CBLB: variants seen among roughly 807,000 people sequenced by gnomAD.
CBLB encodes the protein E3 ubiquitin-protein ligase CBL-B.
A neutral mutation model predicts 104.9 loss-of-function variants in CBLB; 31 were observed. The ratio of observed to expected loss-of-function variants is 0.30; its 90% CI spans 0.22 to 0.40. The LOEUF is 0.40. Among genes scored for constraint, CBLB ranks in the 10% least tolerant of loss-of-function variants. The pLI, the probability that CBLB is intolerant of heterozygous loss-of-function variation, is 1.00. For synonymous variants in CBLB, 440 were observed against 422.6 expected (o/e 1.04, Z -0.51); for missense variants, 1,062 against 1,214.6 (o/e 0.87, Z 1.87).
chr3:105,865,225 A>G (rs1205356641), intron 2 of CBLB, among the ~76,000 whole-genome samples: 1 of 152,192 alleles, frequency 6.6e-6, no homozygotes, highest in Non-Finnish European at 1.5e-5. Context: ...TGTACTACAC[A>G]CTTATATACT....
Position 105,739,998 on chromosome 3 carries a change from G to T in CBLB, c.983+496C>A, listed in dbSNP as rs534797555. Among the ~76,000 whole-genome samples, 5 of 152,346 alleles carry T rather than the reference G, an allele frequency of 3.3e-5. No individual in the cohort carries two copies. In the South Asian group the frequency reaches 1.0e-3, roughly 32 times the overall value. On this transcript the variant is annotated intron_variant, in intron 7 of 18. Coordinates refer to ENST00000394030, the MANE Select transcript of CBLB (RefSeq NM_170662.5). Reference sequence around the variant, plus strand: ...CACGCCTGTAGTCCCAGCCACTTGGGAGGCTGAGGCAGGGGAATCCCTTGA... The same window carrying T: ...CACGCCTGTAGTCCCAGCCACTTGGTAGGCTGAGGCAGGGGAATCCCTTGA...
At chr3:105,841,909 A>AT (rs772739111) in intron 3 of CBLB, among the ~76,000 whole-genome samples, 4 of 151,944 alleles carry the variant, frequency 2.6e-5, no homozygotes, top group Non-Finnish European at 4.4e-5. Context: ...GGTCTCCCAC[A>AT]TTTTTTCATG....
intron 4 of CBLB, among the ~76,000 whole-genome samples, chr3:105,770,024 T>C (rs537294142): frequency 1.8e-4 from 28 of 152,248 alleles, no homozygotes; most frequent in Admixed American, 4.6e-4. Flanking sequence ...TCTGTGTTTC[T>C]AATTGAATTA....
intron 10 of CBLB, among the ~76,000 whole-genome samples, chr3:105,704,819 T>G (rs1042477764): frequency 6.6e-6 from 1 of 152,188 alleles, no homozygotes; most frequent in African/African-American, 2.4e-5. Flanking sequence ...TTTCTGTTAC[T>G]ACAAGTTTTC....
intron 12 of CBLB, among the ~76,000 whole-genome samples, chr3:105,700,813 T>G (rs1051845831): frequency 6.6e-6 from 1 of 152,186 alleles, no homozygotes; most frequent in Non-Finnish European, 1.5e-5. Flanking sequence ...ATCACTGAGG[T>G]TAAATACTGT....
At chr3:105,852,101 G>T (rs2091015482) in intron 3 of CBLB, among the ~76,000 whole-genome samples, 1 of 152,046 alleles carries the variant, frequency 6.6e-6, no homozygotes, top group Non-Finnish European at 1.5e-5. Flanking sequence ...TTATTTTATA[G>T]GGTATTCCTT....
intron 17 of CBLB, chr3:105,672,588 A>G (rs1014093897): frequency 1.4e-4 from 21 of 154,888 alleles, no homozygotes; most frequent in African/African-American, 4.1e-4. Context: ...TTCAAAAACT[A>G]AAGAAAAATA....
intron 3 of CBLB, among the ~76,000 whole-genome samples, chr3:105,795,192 G>A (rs988094970): frequency 9.2e-5 from 14 of 152,080 alleles, no homozygotes; most frequent in African/African-American, 2.2e-4. Context: ...GATTACAGGC[G>A]TGAGCCAATG....
intron 3 of CBLB, among the ~76,000 whole-genome samples, chr3:105,836,859 T>C (rs986360754): frequency 2.6e-5 from 4 of 152,028 alleles, no homozygotes; most frequent in Admixed American, 1.3e-4. Context: ...GTCTGCATGG[T>C]GGATGTAAGA....
intron 3 of CBLB, among the ~76,000 whole-genome samples, chr3:105,784,398 A>G (rs2080706624): frequency 6.6e-6 from 1 of 152,258 alleles, no homozygotes; most frequent in Non-Finnish European, 1.5e-5. Context: ...AAGAAAAAGA[A>G]ACATTAGAAA....
intron 3 of CBLB, among the ~76,000 whole-genome samples, chr3:105,799,649 C>A (rs981399296): frequency 1.5e-4 from 23 of 151,998 alleles, no homozygotes; most frequent in Non-Finnish European, 1.9e-4. Context: ...ACCCTATAAC[C>A]CAGAAAACAA....
At chr3:105,780,663 T>TTTTG (rs1560209162) in intron 3 of CBLB, among the ~76,000 whole-genome samples, 3 of 117,706 alleles carry the variant, frequency 2.5e-5, no homozygotes, top group South Asian at 2.8e-4. Flanking sequence ...GTTTTTTGTT[T>TTTTG]TTTTTTTTTT....
intron 3 of CBLB, among the ~76,000 whole-genome samples, chr3:105,831,401 C>A (rs181079386): frequency 6.6e-6 from 1 of 152,228 alleles, no homozygotes; most frequent in Non-Finnish European, 1.5e-5. Context: ...GACCGCCAGG[C>A]GGGCTCAAAT....
intron 3 of CBLB, among the ~76,000 whole-genome samples, chr3:105,831,189 A>G (rs2087458502): frequency 6.6e-6 from 1 of 151,958 alleles, no homozygotes; most frequent in Non-Finnish European, 1.5e-5. Flanking sequence ...CAATTCCTCC[A>G]CTCCTGAGAT....
At chr3:105,663,609 A>G (rs2064049812) in intron 18 of CBLB, among the ~76,000 whole-genome samples, 1 of 152,138 alleles carries the variant, frequency 6.6e-6, no homozygotes, top group African/African-American at 2.4e-5. Context: ...TAGTGAGTTG[A>G]TCACGACCCT....
chr3:105,706,516 C>A (rs1204764878), intron 10 of CBLB, among the ~76,000 whole-genome samples: 3 of 152,050 alleles, frequency 2.0e-5, no homozygotes, highest in Non-Finnish European at 4.4e-5. Flanking sequence ...TAAATTTGAA[C>A]CTTCTGGAGC....
intron 13 of CBLB, among the ~76,000 whole-genome samples, chr3:105,693,275 T>C (rs2067947791): frequency 6.6e-6 from 1 of 152,086 alleles, no homozygotes; most frequent in African/African-American, 2.4e-5. Flanking sequence ...TTGCTCTATG[T>C]AACCTCAAGA....
intron 3 of CBLB, among the ~76,000 whole-genome samples, chr3:105,831,614 T>C (rs1026251903): frequency 3.9e-5 from 6 of 152,244 alleles, no homozygotes; most frequent in African/African-American, 1.4e-4. Flanking sequence ...GAAAGACAGT[T>C]AAAATTTGTT....
At chr3:105,685,137 G>A (rs1341453306) in intron 14 of CBLB, among the ~76,000 whole-genome samples, 183 bp downstream of exon 14, 1 of 152,190 alleles carries the variant, frequency 6.6e-6, no homozygotes, top group Non-Finnish European at 1.5e-5. Context: ...CCTGATTAAT[G>A]AGAAATCTGC....
Sources: gnomAD v4.1 joint callset for allele counts (sites outside exome capture counted in the v4.1 genomes callset) on GRCh38, gnomAD v4.1.1 for gene constraint, MANE v1.5 for transcripts, NCBI Gene and HGNC (gene_info 2026-07-23, HGNC 2026-07-21) for gene names.